The following DOK6 variants were observed in gnomAD, a reference collection of about 807,000 sequenced individuals.
DOK6 encodes downstream of tyrosine kinase 6.
Under a neutral mutation model 44.0 loss-of-function variants are expected in DOK6, and 22 were observed. The observed-to-expected ratio is 0.50, with a 90% CI of 0.36 to 0.71. The LOEUF (loss-of-function observed/expected upper bound fraction) is 0.71. DOK6 is among the 30% of genes least tolerant of loss of function. DOK6 has a pLI of 0.00. For synonymous variants in DOK6, 166 were observed against 145.5 expected (o/e 1.14, Z -1.01); for missense variants, 340 against 416.4 (o/e 0.82, Z 1.60).
chr18:69,489,562 A>G (rs900833369), intron 1 of DOK6, among the ~76,000 whole-genome samples: 1 of 152,150 alleles, frequency 6.6e-6, no homozygotes, highest in Non-Finnish European at 1.5e-5. Flanking sequence ...TGTCACCATG[A>G]TCGATTATAG....
At chr18:69,821,652 A>G (rs1264633298) in intron 7 of DOK6, among the ~76,000 whole-genome samples, 2 of 152,158 alleles carry the variant, frequency 1.3e-5, no homozygotes, top group Non-Finnish European at 2.9e-5. Flanking sequence ...CTAACAGGAT[A>G]AAAGCTTGAT....
chr18:69,494,701 C>A (rs2144542779), intron 1 of DOK6, among the ~76,000 whole-genome samples: 1 of 152,252 alleles, frequency 6.6e-6, no homozygotes, highest in African/African-American at 2.4e-5. Context: ...TGGTATGGGG[C>A]AATGTATAAT....
At chr18:69,573,815 T>A (rs1280677933) in intron 2 of DOK6, among the ~76,000 whole-genome samples, 1 of 152,020 alleles carries the variant, frequency 6.6e-6, no homozygotes, top group Non-Finnish European at 1.5e-5. Flanking sequence ...ACATCTGGTT[T>A]TCTTCAAATT....
chr18:69,682,427 T>C (rs1986065248), intron 4 of DOK6, among the ~76,000 whole-genome samples: 1 of 152,196 alleles, frequency 6.6e-6, no homozygotes, highest in African/African-American at 2.4e-5. Flanking sequence ...TTAGACTGGG[T>C]TGTGCTGAGA....
chr18:69,750,226 T>C (rs932607675), intron 6 of DOK6, among the ~76,000 whole-genome samples: 3 of 151,818 alleles, frequency 2.0e-5, no homozygotes, highest in African/African-American at 7.2e-5. Flanking sequence ...TCTTATTCAT[T>C]TGGAAGGGTA....
intron 1 of DOK6, among the ~76,000 whole-genome samples, chr18:69,505,491 C>CTTTTT (rs772908185): frequency 4.3e-3 from 381 of 88,416 alleles, no homozygotes; most frequent in East Asian, 8.8e-3. Context: ...TACTCCCATT[C>CTTTTT]TTTTTTTTTT....
chr18:69,764,977 G>A (rs962999975), intron 7 of DOK6, among the ~76,000 whole-genome samples: 4 of 152,150 alleles, frequency 2.6e-5, no homozygotes, highest in Admixed American at 6.6e-5. Flanking sequence ...TGACGCTCAC[G>A]GAAAGGGTGT....
At chr18:69,543,777 G>A (rs2144582827) in intron 1 of DOK6, among the ~76,000 whole-genome samples, 1 of 151,512 alleles carries the variant, frequency 6.6e-6, no homozygotes, top group Admixed American at 6.6e-5. Context: ...TAATTATGTT[G>A]TTTTGTGGAT....
At chr18:69,407,669 G>C (rs1320374549) in intron 1 of DOK6, among the ~76,000 whole-genome samples, 1 of 152,128 alleles carries the variant, frequency 6.6e-6, no homozygotes, top group African/African-American at 2.4e-5. Flanking sequence ...AGTCAAAGTG[G>C]ATAGAATAAG....
intron 3 of DOK6, among the ~76,000 whole-genome samples, chr18:69,614,542 CTTTGTGTG>C (rs1599222897): frequency 1.3e-5 from 1 of 75,516 alleles, no homozygotes; most frequent in East Asian, 3.8e-4. Flanking sequence ...TTTATTTTTT[CTTTGTGTG>C]TGTGTGTGTG....
At chr18:69,664,673 T>C (rs916477424) in intron 3 of DOK6, among the ~76,000 whole-genome samples, 1 of 152,112 alleles carries the variant, frequency 6.6e-6, no homozygotes, top group South Asian at 2.1e-4. Flanking sequence ...TCAGACTGTG[T>C]GCATTTAAAG....
At chr18:69,804,429 A>T (rs1054633825) in intron 7 of DOK6, among the ~76,000 whole-genome samples, 3 of 152,314 alleles carry the variant, frequency 2.0e-5, no homozygotes, top group South Asian at 4.1e-4. Flanking sequence ...GAGTTTTCAT[A>T]ATCTGTAAGA....
intron 1 of DOK6, among the ~76,000 whole-genome samples, chr18:69,485,181 A>G (rs4369772): frequency 0.74 from 111,993 of 152,010 alleles, 41,600 homozygotes; most frequent in African/African-American, 0.78. Flanking sequence ...CAACTGTTCA[A>G]CAGATGATGC....
At chr18:69,821,660 G>C (rs1361531529) in intron 7 of DOK6, among the ~76,000 whole-genome samples, 1 of 152,046 alleles carries the variant, frequency 6.6e-6, no homozygotes, top group East Asian at 1.9e-4. Flanking sequence ...ATAAAAGCTT[G>C]ATTCCAAAAC....
intron 7 of DOK6, among the ~76,000 whole-genome samples, chr18:69,833,871 C>T (rs1981969622): frequency 6.6e-6 from 1 of 152,122 alleles, no homozygotes; most frequent in African/African-American, 2.4e-5. Flanking sequence ...CATCTCACCC[C>T]ACTTAAACTG....
At chr18:69,741,476 T>C (rs1166396680) in intron 6 of DOK6, among the ~76,000 whole-genome samples, 2 of 152,168 alleles carry the variant, frequency 1.3e-5, no homozygotes, top group Non-Finnish European at 2.9e-5. Context: ...TATAGATACC[T>C]CAACATGCAC....
At chr18:69,496,332 G>C (rs914754560) in intron 1 of DOK6, among the ~76,000 whole-genome samples, 1 of 152,204 alleles carries the variant, frequency 6.6e-6, no homozygotes, top group Non-Finnish European at 1.5e-5. Flanking sequence ...GCTGCATACC[G>C]GGAGTTCCCA....
At position 69,698,477 on chromosome 18, in the gene DOK6, T is replaced by C; in HGVS notation, c.483T>C (p.His161=). 2.5e-6 allele frequency: 4 copies of C among 1,614,134 alleles called. No individual in the cohort carries two copies. The highest frequency in any genetic ancestry group is 3.4e-6 in the Non-Finnish European group (4 of 1,179,968). Residue 161 remains histidine (H), a synonymous_variant, in exon 5 of 8, where the codon CAT becomes CAC. Coordinates refer to ENST00000382713, the MANE Select transcript of DOK6 (RefSeq NM_152721.6). ...GTGAATGCACAATGCAGATCACTCA[T>C]GAAAATATCTATCTCTGGGATATCC... ...IYGECTMQIT[H]ENIYLWDIHN... is the part of the protein sequence containing the mutation.
chr18:69,509,908 C>A (rs533927331), intron 1 of DOK6, among the ~76,000 whole-genome samples: 1 of 152,260 alleles, frequency 6.6e-6, no homozygotes, highest in African/African-American at 2.4e-5. Flanking sequence ...TGAAATGCTT[C>A]CATTATTTCA....
Sources: gnomAD v4.1 joint callset for allele counts (sites outside exome capture counted in the v4.1 genomes callset) on GRCh38, gnomAD v4.1.1 for gene constraint, MANE v1.5 for transcripts, NCBI Gene and HGNC (gene_info 2026-07-23, HGNC 2026-07-21) for gene names.